RGS21: variants seen among roughly 807,000 people sequenced by gnomAD.
The protein encoded by RGS21 is regulator of G protein signaling 21, also known as regulator of G-protein signalling 21.
In RGS21, 19 loss-of-function variants were observed where a neutral mutation model predicts 18.7. The ratio of observed to expected loss-of-function variants is 1.01; its 90% CI spans 0.71 to 1.49. The LOEUF (loss-of-function observed/expected upper bound fraction) is 1.49. RGS21 is among the 40% of genes most tolerant of loss of function. The probability of loss-of-function intolerance (pLI) is 0.00; values close to 1 mark genes in which losing one functional copy is unlikely to be tolerated. For synonymous variants in RGS21, 56 were observed against 57.8 expected, an observed-to-expected ratio of 0.97 and a Z score of 0.14; for missense variants, 194 against 176.8, an observed-to-expected ratio of 1.10 and a Z score of -0.55.
chr1:192,335,041 G>A (rs1021089267), intron 1 of RGS21, among the ~76,000 whole-genome samples: 23 of 151,964 alleles, frequency 1.5e-4, no homozygotes, highest in African/African-American at 1.4e-4. Flanking sequence ...GTATGATCCC[G>A]AATAAACCTG....
At chr1:192,320,526 A>ATGTATGTGTATGTGTATGTGTATG (rs57903620) in intron 1 of RGS21, among the ~76,000 whole-genome samples, 5,388 of 147,518 alleles carry the variant, frequency 0.037, 140 homozygotes, top group South Asian at 0.12. Flanking sequence ...GTATGTGTAT[A>ATGTATGTGTATGTGTATGTGTATG]TGTATGTGTA....
At position 192,343,893 on chromosome 1, in the gene RGS21, C is replaced by T. The variant is rs144112513; in HGVS notation, c.11+846C>T. 1.4e-3 allele frequency among the ~76,000 whole-genome samples: 210 copies of T among 152,138 alleles called. 3 individuals are homozygous for T. The highest frequency in any genetic ancestry group is 4.7e-3 in the African/African-American group (197 of 41,536). On this transcript the variant is annotated intron_variant, in intron 2 of 4. Transcript: ENST00000417209. Reference sequence around the variant, plus strand: ...AGGGAGTGGCCATTGTCCATTTTTTCAGATAGCACATATCAAGTAAAAGTC... The same window carrying T: ...AGGGAGTGGCCATTGTCCATTTTTTTAGATAGCACATATCAAGTAAAAGTC...
rs1291365162 is a variant in RGS21, at chr1:192,351,769, CAT to C, written c.89-272_89-271del. Among the ~76,000 whole-genome samples, 12 of 145,424 alleles carry C rather than the reference CAT, an allele frequency of 8.3e-5. No homozygotes were observed. In the East Asian group the frequency reaches 2.0e-3, roughly 24 times the overall value. ...CATATATAACACATATAATATATAA[CAT>C]ATATAATATATATAACACATATATA... On this transcript the variant is annotated intron_variant, in intron 3 of 4. Coordinates refer to ENST00000417209, the MANE Select transcript of RGS21 (RefSeq NM_001039152.3).
intron 2 of RGS21, 114 bp from the exon 3 acceptor site, chr1:192,347,196 TGGC>T: frequency 1.5e-6 from 1 of 656,780 alleles, no homozygotes; most frequent in Non-Finnish European, 2.8e-6. Flanking sequence ...TTTTGACATT[TGGC>T]TGTTTGATTA....
intron 1 of RGS21, among the ~76,000 whole-genome samples, chr1:192,338,502 G>A (rs1053311272): frequency 5.3e-5 from 8 of 151,996 alleles, no homozygotes; most frequent in African/African-American, 1.4e-4. Flanking sequence ...GTGAACTGTC[G>A]TGCTCATCTA....
intron 1 of RGS21, among the ~76,000 whole-genome samples, chr1:192,328,406 A>T (rs930044280): frequency 8.5e-5 from 13 of 152,302 alleles, no homozygotes; most frequent in Middle Eastern, 3.4e-3. Context: ...TGAATTAATA[A>T]TTTAGTAATT....
At chr1:192,332,922 T>C (rs1246511414) in intron 1 of RGS21, among the ~76,000 whole-genome samples, 1 of 150,498 alleles carries the variant, frequency 6.6e-6, no homozygotes, top group Non-Finnish European at 1.5e-5. Flanking sequence ...TCTCCTCCTA[T>C]CCAAAAGTCT....
chr1:192,320,365 A>G (rs1365925106), intron 1 of RGS21, among the ~76,000 whole-genome samples: 1 of 152,112 alleles, frequency 6.6e-6, no homozygotes, highest in Non-Finnish European at 1.5e-5. Flanking sequence ...TGCAACACAC[A>G]TTTTGCAAGA....
intron 3 of RGS21, among the ~76,000 whole-genome samples, chr1:192,349,904 A>G (rs1659012226): frequency 6.6e-6 from 1 of 152,174 alleles, no homozygotes; most frequent in African/African-American, 2.4e-5. Flanking sequence ...ATGATACACT[A>G]TAAAATATTG....
intron 4 of RGS21, among the ~76,000 whole-genome samples, chr1:192,357,434 G>A (rs1208324811): frequency 6.6e-6 from 1 of 151,868 alleles, no homozygotes; most frequent in Non-Finnish European, 1.5e-5. Flanking sequence ...AAGAGGGAGG[G>A]AGAGAGAAAG....
intron 1 of RGS21, among the ~76,000 whole-genome samples, chr1:192,327,383 G>A (rs1160183935): frequency 6.6e-6 from 1 of 151,878 alleles, no homozygotes; most frequent in Non-Finnish European, 1.5e-5. Flanking sequence ...AAGAAATCCA[G>A]AAAGTAAAAA....
intron 1 of RGS21, among the ~76,000 whole-genome samples, chr1:192,326,436 T>C (rs1658569606): frequency 6.6e-6 from 1 of 152,078 alleles, no homozygotes; most frequent in African/African-American, 2.4e-5. Flanking sequence ...AAAATATGGT[T>C]AATAATATTT....
At chr1:192,358,149 G>A (rs1659135931) in intron 4 of RGS21, among the ~76,000 whole-genome samples, 1 of 151,966 alleles carries the variant, frequency 6.6e-6, no homozygotes, top group African/African-American at 2.4e-5. Flanking sequence ...TATCACCACA[G>A]AAATCGGAGA....
At chr1:192,326,002 A>T (rs1208989985) in intron 1 of RGS21, among the ~76,000 whole-genome samples, 1 of 152,100 alleles carries the variant, frequency 6.6e-6, no homozygotes, top group Admixed American at 6.6e-5. Context: ...TATAGGAATG[A>T]TTTTAATTAT....
intron 4 of RGS21, among the ~76,000 whole-genome samples, chr1:192,357,869 T>C (rs1019888134): frequency 1.3e-5 from 2 of 152,028 alleles, no homozygotes; most frequent in Non-Finnish European, 2.9e-5. Context: ...AGGAAAAAAG[T>C]GTCAGAAGTA....
chr1:192,339,710 T>A (rs1293241962), intron 1 of RGS21, among the ~76,000 whole-genome samples: 2 of 152,168 alleles, frequency 1.3e-5, no homozygotes, highest in South Asian at 2.1e-4. Context: ...CTATACTTTT[T>A]AAAAAAATTT....
In RGS21 at chr1:192,343,078, CAGA is replaced by C. The variant is rs1217584390; in HGVS notation, c.11+35_11+37del. ...TTGCCGTTTCCAGCTATTTTTATCTCAGAAGATGTACAAATGAAACACTTGAGT... is the reference window on the plus strand; with the variant it reads ...TTGCCGTTTCCAGCTATTTTTATCTCAGATGTACAAATGAAACACTTGAGT... On this transcript the variant is annotated intron_variant, in intron 2 of 4. Transcript: ENST00000417209. 1.6e-5 allele frequency: 25 copies of C among 1,606,368 alleles called. No homozygotes were observed. In the African/African-American group the frequency reaches 1.6e-4, roughly 10 times the overall value.
At chr1:192,340,021 C>T (rs1658833712) in intron 1 of RGS21, among the ~76,000 whole-genome samples, 1 of 151,998 alleles carries the variant, frequency 6.6e-6, no homozygotes, top group Non-Finnish European at 1.5e-5. Flanking sequence ...TTCCCATCTG[C>T]CTCTCAGTCT....
intron 3 of RGS21, among the ~76,000 whole-genome samples, chr1:192,348,006 A>G (rs1658980079): frequency 7.6e-6 from 1 of 132,072 alleles, no homozygotes; most frequent in Non-Finnish European, 1.6e-5. Flanking sequence ...ACACATACAC[A>G]TACATATATA....
Sources: gnomAD v4.1 joint callset for allele counts (sites outside exome capture counted in the v4.1 genomes callset) on GRCh38, gnomAD v4.1.1 for gene constraint, MANE v1.5 for transcripts, NCBI Gene and HGNC (gene_info 2026-07-23, HGNC 2026-07-21) for gene names.